BACH2: variants seen among roughly 807,000 people sequenced by gnomAD.
BACH2 encodes the protein transcription regulator protein BACH2.
Under a neutral mutation model 61.8 loss-of-function variants are expected in BACH2, and 5 were observed. The ratio of observed to expected loss-of-function variants is 0.08; its 90% confidence interval spans 0.04 to 0.17. The LOEUF is 0.17. Among genes scored for constraint, BACH2 ranks in the 10% least tolerant of loss-of-function variants. The pLI is 1.00. For synonymous variants in BACH2, 446 were observed against 440.1 expected (o/e 1.01, Z -0.17); for missense variants, 824 against 1,091.1 (o/e 0.76, Z 3.45).
At chr6:90,103,029 A>ATATATATATATTTTTT in intron 4 of BACH2, among the ~76,000 whole-genome samples, 6 of 21,164 alleles carry the variant, frequency 2.8e-4, no homozygotes, top group African/African-American at 9.7e-4. Context: ...ATATATATAT[A>ATATATATATATTTTTT]TTTTTTTTTT....
chr6:90,067,614 G>A (rs1464568053), intron 5 of BACH2, among the ~76,000 whole-genome samples: 3 of 152,326 alleles, frequency 2.0e-5, no homozygotes, highest in East Asian at 1.9e-4. Flanking sequence ...AGTGAAGGTC[G>A]GGAAGGAGAG....
At chr6:90,095,095 T>C (rs1782326709) in intron 4 of BACH2, among the ~76,000 whole-genome samples, 1 of 152,094 alleles carries the variant, frequency 6.6e-6, no homozygotes, top group Non-Finnish European at 1.5e-5. Flanking sequence ...ATCTTGAGAG[T>C]GGCCCTGAAA....
At chr6:90,212,380 A>C (rs1032946319) in intron 3 of BACH2, among the ~76,000 whole-genome samples, 2 of 152,116 alleles carry the variant, frequency 1.3e-5, no homozygotes, top group Non-Finnish European at 2.9e-5. Flanking sequence ...AGGCAAGAGG[A>C]ACAGAGTGGA....
chr6:89,986,220 T>G (rs540219595), intron 6 of BACH2, among the ~76,000 whole-genome samples: 2 of 100,052 alleles, frequency 2.0e-5, no homozygotes, highest in East Asian at 2.2e-4. Context: ...AAAGTCTGAG[T>G]TTTTTTTTTT....
At chr6:89,997,951 G>T (rs1776941674) in intron 6 of BACH2, among the ~76,000 whole-genome samples, 1 of 151,988 alleles carries the variant, frequency 6.6e-6, no homozygotes, top group African/African-American at 2.4e-5. Context: ...TGCATATAAA[G>T]AATACAAAAA....
At chr6:90,001,697 C>T (rs1431528604) in intron 6 of BACH2, among the ~76,000 whole-genome samples, 1 of 152,126 alleles carries the variant, frequency 6.6e-6, no homozygotes, top group Non-Finnish European at 1.5e-5. Context: ...AGAGCTTATA[C>T]CTACTTTTGA....
At chr6:90,246,059 T>C (rs1395245873) in intron 3 of BACH2, among the ~76,000 whole-genome samples, 1 of 152,086 alleles carries the variant, frequency 6.6e-6, no homozygotes, top group Admixed American at 6.6e-5. Flanking sequence ...GCAAGCTGGG[T>C]CTGAGTGACT....
intron 2 of BACH2, among the ~76,000 whole-genome samples, chr6:90,255,053 A>T (rs1770933118): frequency 6.6e-6 from 1 of 152,198 alleles, no homozygotes; most frequent in African/African-American, 2.4e-5. Flanking sequence ...GCCCTAATAG[A>T]GATCCCCTTT....
chr6:90,127,212 AAG>A (rs1783888096), intron 4 of BACH2, among the ~76,000 whole-genome samples: 1 of 152,228 alleles, frequency 6.6e-6, no homozygotes, highest in Admixed American at 6.5e-5. Context: ...AGTTGCTCCA[AAG>A]AGAGACTGTG....
At chr6:90,190,824 C>A (rs9344994) in intron 4 of BACH2, among the ~76,000 whole-genome samples, 1 of 152,148 alleles carries the variant, frequency 6.6e-6, no homozygotes, top group Non-Finnish European at 1.5e-5. Context: ...CCCAGACCAA[C>A]GACTCTGATC....
Position 89,950,780 on chromosome 6 carries a change from G to A in BACH2, c.1326C>T (p.Ser442=). ...IFSSSACDQV[S]TSVHSYSGVS... Reference sequence around the variant, plus strand: ...CCCCAGAATAAGAATGCACCGAGGTGCTCACTTGGTCACAAGCGCTGGAGG... The same window carrying A: ...CCCCAGAATAAGAATGCACCGAGGTACTCACTTGGTCACAAGCGCTGGAGG... Residue 442 remains serine, a synonymous_variant, in exon 7 of 9, where the codon AGC becomes AGT. Transcript: ENST00000257749. This position sits in a 1 kb window ranked among gnomAD's most constrained non-coding sequence, Gnocchi z 5.3. 1 of 1,614,156 alleles carries A rather than the reference G, an allele frequency of 6.2e-7. No individual in the cohort carries two copies.
chr6:90,245,521 G>C (rs914558123), intron 3 of BACH2, among the ~76,000 whole-genome samples: 22 of 152,208 alleles, frequency 1.4e-4, no homozygotes, highest in Non-Finnish European at 2.4e-4. Flanking sequence ...CTGTGACGGT[G>C]GCACTGCACT....
intron 5 of BACH2, among the ~76,000 whole-genome samples, chr6:90,027,403 T>C (rs892145412): frequency 1.3e-5 from 2 of 152,202 alleles, no homozygotes; most frequent in South Asian, 2.1e-4. Flanking sequence ...TATATGCCTA[T>C]ACCACTGCCA....
chr6:90,246,026 A>C (rs975887695), intron 3 of BACH2, among the ~76,000 whole-genome samples: 1 of 152,192 alleles, frequency 6.6e-6, no homozygotes, highest in African/African-American at 2.4e-5. Flanking sequence ...ACGTGGCAGA[A>C]GTTAAGTTGG....
Position 90,015,375 on chromosome 6 carries a change from C to A in BACH2, c.-12-6519G>T, listed in dbSNP as rs1235924770. 3.9e-5 allele frequency among the ~76,000 whole-genome samples: 6 copies of A among 152,038 alleles called. No homozygotes were observed. In the East Asian group the frequency reaches 1.2e-3, roughly 29 times the overall value. ...TTTCCTAAGGTGGTAGTTGAGCCCA[C>A]TAATCTGAGATCTTTTTTGTCTTTT... On this transcript the variant is annotated intron_variant, in intron 5 of 8. Coordinates refer to ENST00000257749, the MANE Select transcript of BACH2 (RefSeq NM_021813.4).
chr6:90,003,660 T>C (rs1175330143), intron 6 of BACH2, among the ~76,000 whole-genome samples: 1 of 152,176 alleles, frequency 6.6e-6, no homozygotes. Context: ...GGAAGACTAG[T>C]TTGCTGAAGA....
chr6:90,017,726 T>C (rs1409371391), intron 5 of BACH2, among the ~76,000 whole-genome samples: 1 of 152,210 alleles, frequency 6.6e-6, no homozygotes, highest in Non-Finnish European at 1.5e-5. Context: ...TTTGAACACT[T>C]GGAATATAGT....
chr6:90,235,174 G>A (rs1428656781), intron 3 of BACH2, among the ~76,000 whole-genome samples: 1 of 152,200 alleles, frequency 6.6e-6, no homozygotes, highest in Non-Finnish European at 1.5e-5. Flanking sequence ...ATTAAACGAA[G>A]TCACACAAAG....
chr6:90,032,668 C>T (rs1779054277), intron 5 of BACH2, among the ~76,000 whole-genome samples: 1 of 152,126 alleles, frequency 6.6e-6, no homozygotes, highest in Non-Finnish European at 1.5e-5. Flanking sequence ...TACCATCTCA[C>T]ATTGGTTAGA....
Sources: allele counts gnomAD v4.1 joint callset (sites outside exome capture counted in the v4.1 genomes callset), GRCh38; gene constraint gnomAD v4.1.1; non-coding constraint Gnocchi (gnomAD v3.1); transcripts MANE v1.5; gene names NCBI Gene and HGNC (gene_info 2026-07-23, HGNC 2026-07-21).